The following DROSHA variants were observed in gnomAD, a reference collection of about 807,000 sequenced individuals.
DROSHA encodes drosha ribonuclease III, also known as ribonuclease 3.
In DROSHA, 56 loss-of-function variants were observed where a neutral mutation model predicts 181.9. The observed-to-expected ratio is 0.31, with a 90% confidence interval of 0.25 to 0.38. The LOEUF is 0.38. DROSHA is among the 10% of genes least tolerant of loss of function. DROSHA has a pLI of 1.00. For missense variants in DROSHA, 1,218 were observed against 1,743.5 expected, an observed-to-expected ratio of 0.70 and a Z score of 5.37; for synonymous variants, 524 against 591.2, an observed-to-expected ratio of 0.89 and a Z score of 1.65.
At chr5:31,458,371 T>A (rs889258833) in intron 20 of DROSHA, among the ~76,000 whole-genome samples, 27 of 152,240 alleles carry the variant, frequency 1.8e-4, no homozygotes, top group African/African-American at 6.5e-4. Context: ...TGTTATGGAA[T>A]AAATCAAATG....
At chr5:31,520,617 C>G (rs1739782339) in intron 6 of DROSHA, among the ~76,000 whole-genome samples, 1 of 152,098 alleles carries the variant, frequency 6.6e-6, no homozygotes, top group Non-Finnish European at 1.5e-5. Flanking sequence ...ATTGGGAGAG[C>G]TAATAACTGA....
chr5:31,407,560 T>C (rs533970118), intron 33 of DROSHA, among the ~76,000 whole-genome samples: 4 of 152,266 alleles, frequency 2.6e-5, no homozygotes, highest in East Asian at 3.9e-4. Context: ...AGATTTCAAA[T>C]GCAGTAAAAC....
rs187754168 is a variant in DROSHA, at chr5:31,501,245, G to A, written c.1668+3310C>T. 5.3e-5 allele frequency among the ~76,000 whole-genome samples: 8 copies of A among 152,240 alleles called. No individual in the cohort carries two copies. In the East Asian group the frequency reaches 1.6e-3, roughly 30 times the overall value. On this transcript the variant is annotated intron_variant, in intron 11 of 35. Transcript: ENST00000344624. ...ACATCACTGTGGTGCCCCAGTTAGA[G>A]TAGAGAATATGAGGCCAAGGTAATA...
Position 31,514,916 on chromosome 5 carries a change from C to G in DROSHA, c.1290+72G>C. Reference sequence around the variant, plus strand: ...GCAGTCCCCACAATCAAGAATTTATCCAGCCCCAAAGGCCAATAGTGACAA... The same window carrying G: ...GCAGTCCCCACAATCAAGAATTTATGCAGCCCCAAAGGCCAATAGTGACAA... On this transcript the variant is annotated intron_variant, in intron 8 of 35. Transcript: ENST00000344624. The surrounding 1 kb of genome is among the most constrained non-coding windows in gnomAD (Gnocchi z 4.4). 7.1e-7 allele frequency: 1 copy of G among 1,417,016 alleles called. No individual in the cohort carries two copies. The highest frequency in any genetic ancestry group is 1.9e-5 in the Admixed American group (1 of 52,812). The allele number at this position is 1,417,016 out of a possible 1,614,324, so 87.8% of individuals were successfully genotyped here.
At position 31,409,416 on chromosome 5, in the gene DROSHA, AT is replaced by A; in HGVS notation, c.3668-85del. On this transcript the variant is annotated intron_variant, in intron 31 of 35. Coordinates refer to ENST00000344624, the MANE Select transcript of DROSHA (RefSeq NM_001382508.1). The surrounding 1 kb of genome is among the most constrained non-coding windows in gnomAD (Gnocchi z 4.0). ...TAAGAGACCTAGACCTTTAAGCAAA[AT>A]TTTAGTAATAGTTTCAACTTCCAGG... The A allele has an allele frequency of 7.9e-7, 1 of 1,273,836 alleles. No individual in the cohort carries two copies. The highest frequency in any genetic ancestry group is 1.1e-6 in the Non-Finnish European group (1 of 922,464). 78.9% of individuals were successfully genotyped at this position (1,273,836 alleles called of 1,614,324 possible).
intron 19 of DROSHA, among the ~76,000 whole-genome samples, chr5:31,464,725 C>A (rs1748811105): frequency 6.6e-6 from 1 of 151,732 alleles, no homozygotes; most frequent in African/African-American, 2.4e-5. Context: ...AGCAAATTAA[C>A]CTGCGACCCA....
chr5:31,485,473 C>T (rs528069339), intron 14 of DROSHA, among the ~76,000 whole-genome samples: 1 of 152,082 alleles, frequency 6.6e-6, no homozygotes, highest in East Asian at 1.9e-4. Flanking sequence ...CTCCTGTAAA[C>T]AAGCTAAACA....
intron 4 of DROSHA, 96 bp from the exon 5 acceptor site, chr5:31,527,008 A>G: frequency 8.7e-7 from 1 of 1,153,954 alleles, no homozygotes; most frequent in Non-Finnish European, 1.2e-6. Flanking sequence ...CTTGATGAGC[A>G]ACTCAAAGAC....
chr5:31,421,887 A>AC (rs61177387), intron 29 of DROSHA: 1 of 58,792 alleles, frequency 1.7e-5, no homozygotes, highest in African/African-American at 6.0e-5. Context: ...AAAAAAAAAA[A>AC]AAAAAAAATA....
chr5:31,491,397 T>A (rs6866249), intron 13 of DROSHA, among the ~76,000 whole-genome samples: 3,163 of 152,308 alleles, frequency 0.021, 40 homozygotes, highest in Middle Eastern at 0.061. Context: ...TTATAAAGAT[T>A]GAAATGTCAA....
chr5:31,468,552 A>T (rs1287052639), intron 17 of DROSHA, among the ~76,000 whole-genome samples: 3 of 152,190 alleles, frequency 2.0e-5, no homozygotes, highest in East Asian at 3.8e-4. Context: ...GCAAAGGCCA[A>T]ATAGTTAAGC....
At chr5:31,493,717 T>C (rs1702455509) in intron 12 of DROSHA, among the ~76,000 whole-genome samples, 1 of 152,134 alleles carries the variant, frequency 6.6e-6, no homozygotes, top group South Asian at 2.1e-4. Context: ...AGCAACAGCC[T>C]AGAAGTCTCT....
chr5:31,521,287 C>A, intron 5 of DROSHA, 72 bp from the exon 6 acceptor site: 1 of 1,524,036 alleles, frequency 6.6e-7, no homozygotes, highest in Non-Finnish European at 9.1e-7. Flanking sequence ...TCACTGAATT[C>A]ATCTTGTAAA....
In DROSHA at chr5:31,451,532, C is replaced by A; in HGVS notation, c.2682+1G>T. The stretch of plus-strand genomic sequence containing the variant: ...TGAGTTTACAGGAGAATAATTCTTA[C>A]CTGCAACAGACAACGATCTTGGAAA... On this transcript the variant is annotated splice_donor_variant, in intron 21 of 35. Transcript: ENST00000344624. LOFTEE classifies it high-confidence loss of function. The A allele has an allele frequency of 6.2e-7, 1 of 1,606,894 alleles. No homozygotes were observed. Among genetic ancestry groups the A allele is most frequent in the Non-Finnish European group, 8.5e-7 (1 of 1,175,932 alleles).
rs149011303 is a variant in DROSHA at position 31,410,639 on chromosome 5, A to G, written c.3667+107T>C. 8.3e-5 allele frequency: 119 copies of G among 1,433,216 alleles called. No homozygotes were observed. In the African/African-American group the frequency reaches 1.3e-3, roughly 16 times the overall value. The allele number at this position is 1,433,216 out of a possible 1,614,324, so 88.8% of individuals were successfully genotyped here. ...AGCATAAAAAATTAAAATAGCAAAC[A>G]AGGTTTCTTTAGCCAGAACATAATA... On this transcript the variant is annotated intron_variant, in intron 31 of 35. Transcript: ENST00000344624.
At chr5:31,509,966 A>G (rs868752426) in intron 9 of DROSHA, among the ~76,000 whole-genome samples, 2 of 151,880 alleles carry the variant, frequency 1.3e-5, no homozygotes, top group Admixed American at 1.3e-4. Context: ...GGTTGCAAAC[A>G]AGGTCATGTT....
intron 13 of DROSHA, among the ~76,000 whole-genome samples, chr5:31,490,124 C>A (rs1322992668): frequency 6.6e-6 from 1 of 151,742 alleles, no homozygotes; most frequent in South Asian, 2.1e-4. Flanking sequence ...GATCTGCCCG[C>A]CTCAGCCTCC....
intron 20 of DROSHA, among the ~76,000 whole-genome samples, chr5:31,462,069 T>C (rs1334133078): frequency 6.6e-6 from 1 of 152,148 alleles, no homozygotes; most frequent in African/African-American, 2.4e-5. Context: ...TCAGCCCCCA[T>C]GTTGCCACTG....
Position 31,483,646 on chromosome 5 carries a change from GAAAAAA to G in DROSHA, c.1997-24_1997-19del. The G allele has an allele frequency of 4.0e-6, 5 of 1,236,412 alleles. No individual in the cohort carries two copies. Among genetic ancestry groups the G allele is most frequent in the East Asian group, 2.6e-5 (1 of 38,568 alleles). 76.6% of individuals were successfully genotyped at this position (1,236,412 alleles called of 1,614,324 possible). On this transcript the variant is annotated intron_variant, in intron 15 of 35. Coordinates refer to ENST00000344624, the MANE Select transcript of DROSHA (RefSeq NM_001382508.1). ...CAAAGGACCTGAAGCAAACAAATGA[GAAAAAA>G]AAAAAAAAAAGAAAACTCAGTCTTA...
Sources: gnomAD v4.1 joint callset for allele counts (sites outside exome capture counted in the v4.1 genomes callset) on GRCh38, gnomAD v4.1.1 for gene constraint, Gnocchi (gnomAD v3.1) non-coding constraint, MANE v1.5 for transcripts, NCBI Gene and HGNC (gene_info 2026-07-23, HGNC 2026-07-21) for gene names.